MYRIP: variants seen among roughly 807,000 people sequenced by gnomAD.
MYRIP encodes the protein myosin VIIA and Rab interacting protein, also known as rab effector MyRIP.
Under a neutral mutation model 98.0 loss-of-function variants are expected in MYRIP, and 49 were observed. The observed-to-expected ratio is 0.50, with a 90% confidence interval of 0.40 to 0.63. The LOEUF is 0.63. MYRIP is among the 30% of genes least tolerant of loss of function. The pLI is 0.00. For missense variants in MYRIP, 1,004 were observed against 1,058.2 expected (o/e 0.95, Z 0.71); for synonymous variants, 404 against 409.5 (o/e 0.99, Z 0.16).
intron 10 of MYRIP, among the ~76,000 whole-genome samples, chr3:40,192,309 CAT>C (rs763879430): frequency 2.1e-4 from 12 of 57,948 alleles, no homozygotes; most frequent in Admixed American, 1.9e-3. Context: ...TAGTTTTCTT[CAT>C]ATATATATAT....
intron 3 of MYRIP, among the ~76,000 whole-genome samples, chr3:40,064,359 GA>G (rs111290019): frequency 8.1e-5 from 12 of 148,738 alleles, no homozygotes; most frequent in African/African-American, 2.3e-4. Context: ...TTTGGAGGGA[GA>G]AAAAAAAACC....
intron 2 of MYRIP, among the ~76,000 whole-genome samples, chr3:39,984,586 A>G (rs1479797200): frequency 1.3e-5 from 2 of 152,170 alleles, no homozygotes; most frequent in African/African-American, 4.8e-5. Flanking sequence ...ATAGTATTCC[A>G]TGGTGTATAT....
chr3:40,004,948 C>T (rs372419859), intron 2 of MYRIP, among the ~76,000 whole-genome samples: 3 of 152,124 alleles, frequency 2.0e-5, no homozygotes, highest in Non-Finnish European at 4.4e-5. Flanking sequence ...CCTCCTATCC[C>T]CCTTTTGGAG....
intron 3 of MYRIP, among the ~76,000 whole-genome samples, chr3:40,085,619 C>G (rs997033134): frequency 6.6e-6 from 1 of 152,148 alleles, no homozygotes; most frequent in Non-Finnish European, 1.5e-5. Flanking sequence ...TAAAGAACTT[C>G]CTCAGGGAGG....
intron 2 of MYRIP, among the ~76,000 whole-genome samples, chr3:39,942,490 C>T (rs1213595195): frequency 6.6e-6 from 1 of 152,034 alleles, no homozygotes; most frequent in Admixed American, 6.6e-5. Flanking sequence ...AACAAAGACA[C>T]CTAGGTTTTT....
chr3:39,841,559 T>C (rs563587348), intron 1 of MYRIP, among the ~76,000 whole-genome samples: 2 of 152,288 alleles, frequency 1.3e-5, no homozygotes, highest in South Asian at 4.2e-4. Context: ...TTTTCAGTCT[T>C]TTTGCGCTGG....
At chr3:39,820,915 C>T (rs1018796841) in intron 1 of MYRIP, among the ~76,000 whole-genome samples, 5 of 152,092 alleles carry the variant, frequency 3.3e-5, no homozygotes, top group Admixed American at 6.5e-5. Context: ...GCATGTTCTT[C>T]CCACTCCCCC....
intron 13 of MYRIP, 43 bp from the exon 14 acceptor site, chr3:40,250,179 C>T: frequency 6.8e-7 from 1 of 1,472,632 alleles, no homozygotes; most frequent in Non-Finnish European, 9.5e-7. Context: ...TTTTCCCCTT[C>T]CGTATTTTCT....
chr3:39,864,822 C>A (rs969879305), intron 1 of MYRIP, among the ~76,000 whole-genome samples: 1 of 151,740 alleles, frequency 6.6e-6, no homozygotes, highest in African/African-American at 2.4e-5. Flanking sequence ...ATGGAACAAA[C>A]GAAAAAAAGC....
chr3:39,958,931 C>G (rs564711732), intron 2 of MYRIP, among the ~76,000 whole-genome samples: 10 of 152,310 alleles, frequency 6.6e-5, no homozygotes, highest in African/African-American at 2.4e-4. Context: ...AAAAAATGCT[C>G]ATCATCACTG....
intron 2 of MYRIP, among the ~76,000 whole-genome samples, chr3:39,920,571 A>G (rs1469704755): frequency 6.6e-6 from 1 of 152,246 alleles, no homozygotes; most frequent in Non-Finnish European, 1.5e-5. Context: ...TACCTTCTGC[A>G]GGAACTATAC....
At chr3:39,997,051 T>C (rs1296947782) in intron 2 of MYRIP, among the ~76,000 whole-genome samples, 6 of 152,146 alleles carry the variant, frequency 3.9e-5, no homozygotes, top group Non-Finnish European at 8.8e-5. Context: ...GAGGGAAATT[T>C]ATAGCACTAA....
chr3:39,904,334 C>T (rs1304922799), intron 2 of MYRIP, among the ~76,000 whole-genome samples: 1 of 152,136 alleles, frequency 6.6e-6, no homozygotes, highest in Non-Finnish European at 1.5e-5. Flanking sequence ...CTCCCGGGTT[C>T]AAGAAATTCT....
chr3:40,198,129 A>G (rs1215794360), intron 10 of MYRIP, among the ~76,000 whole-genome samples: 1 of 152,124 alleles, frequency 6.6e-6, no homozygotes, highest in East Asian at 1.9e-4. Context: ...AGGATGCAAC[A>G]TGGTACCATG....
At chr3:39,928,469 G>T (rs369205643) in intron 2 of MYRIP, among the ~76,000 whole-genome samples, 116 of 151,700 alleles carry the variant, frequency 7.6e-4, no homozygotes, top group African/African-American at 2.6e-3. Context: ...TATATAAAAA[G>T]AGTTATACAC....
At chr3:39,918,483 C>A (rs144706372) in intron 2 of MYRIP, among the ~76,000 whole-genome samples, 64 of 152,180 alleles carry the variant, frequency 4.2e-4, no homozygotes, top group Non-Finnish European at 7.1e-4. Context: ...GGTGAGTATC[C>A]CGCAACCACC....
intron 2 of MYRIP, among the ~76,000 whole-genome samples, chr3:39,937,931 G>C (rs1944694983): frequency 6.6e-6 from 1 of 152,176 alleles, no homozygotes; most frequent in African/African-American, 2.4e-5. Context: ...TAAAGAGAGA[G>C]AAAGTAAAAT....
intron 1 of MYRIP, among the ~76,000 whole-genome samples, chr3:39,830,263 A>T (rs1283955691): frequency 6.6e-6 from 1 of 152,206 alleles, no homozygotes; most frequent in Non-Finnish European, 1.5e-5. Context: ...AGCACTGGTC[A>T]AATCCTGATC....
At chr3:39,954,312 A>G (rs1015245556) in intron 2 of MYRIP, among the ~76,000 whole-genome samples, 33 of 152,062 alleles carry the variant, frequency 2.2e-4, no homozygotes, top group African/African-American at 6.3e-4. Context: ...CTCCGAGATG[A>G]AGCTTCCAGA....
Sources: gnomAD v4.1 joint callset for allele counts (sites outside exome capture counted in the v4.1 genomes callset) on GRCh38, gnomAD v4.1.1 for gene constraint, MANE v1.5 for transcripts, NCBI Gene and HGNC (gene_info 2026-07-23, HGNC 2026-07-21) for gene names.